Variants in NFU1 observed in about 807,000 individuals in gnomAD.
The protein encoded by NFU1 is NFU1 iron-sulfur cluster scaffold homolog, mitochondrial.
NFU1 carries 30 observed loss-of-function variants against 32.2 expected under a neutral mutation model. The observed-to-expected ratio is 0.93, with a 90% CI of 0.70 to 1.26. The LOEUF (loss-of-function observed/expected upper bound fraction) is 1.26, where lower values mean the gene tolerates loss of function less well. NFU1 is among the 50% of genes most tolerant of loss of function. The pLI is 0.00. For synonymous variants in NFU1, 112 were observed against 104.6 expected (o/e 1.07, Z -0.43); for missense variants, 306 against 306.6 (o/e 1.00, Z 0.02).
chr2:69,437,191 C>G, intron 1 of NFU1, 170 bp downstream of exon 1: 6 of 1,406,436 alleles, frequency 4.3e-6, no homozygotes, highest in Non-Finnish European at 5.6e-6. Context: ...GCGCCGAGCT[C>G]CCGCACAGAC....
chr2:69,400,222 A>G, intron 7 of NFU1, 142 bp downstream of exon 7: 1 of 769,992 alleles, frequency 1.3e-6, no homozygotes, highest in Non-Finnish European at 2.2e-6. Flanking sequence ...AAATTGCAAC[A>G]CAAAAATCCA....
chr2:69,409,903 C>G (rs867172298), intron 5 of NFU1, among the ~76,000 whole-genome samples: 24 of 152,126 alleles, frequency 1.6e-4, no homozygotes, highest in Middle Eastern at 3.2e-3. Flanking sequence ...TTGGAGGGGA[C>G]AAGTGTCCAA....
chr2:69,429,575 A>G (rs1156349988), intron 2 of NFU1, among the ~76,000 whole-genome samples: 1 of 152,234 alleles, frequency 6.6e-6, no homozygotes, highest in Non-Finnish European at 1.5e-5. Flanking sequence ...CACCTGCAGA[A>G]AGCAAAATTT....
intron 6 of NFU1, among the ~76,000 whole-genome samples, chr2:69,402,569 C>A (rs185311970): frequency 6.6e-6 from 1 of 152,098 alleles, no homozygotes; most frequent in Non-Finnish European, 1.5e-5. Flanking sequence ...TGATTTTTAT[C>A]TGATATATAT....
In NFU1 at chr2:69,437,352, G is replaced by A. The variant is rs114846829; in HGVS notation, c.62+9C>T. 3.2e-3 allele frequency: 5,163 copies of A among 1,605,588 alleles called. 164 individuals are homozygous for A. In the African/African-American group the frequency reaches 0.06, roughly 19 times the overall value. Reference sequence around the variant, plus strand: ...CACACCTATTCGGAGCTCCAGGCTCGTCACCTACCGCCTGCGCAGCCCGGC... The same window carrying A: ...CACACCTATTCGGAGCTCCAGGCTCATCACCTACCGCCTGCGCAGCCCGGC... On this transcript the variant is annotated intron_variant, in intron 1 of 7. Transcript: ENST00000410022.
At chr2:69,437,528 G>GCCC, upstream of NFU1, 1 of 1,396,922 alleles carries the variant, frequency 7.2e-7, no homozygotes, top group Non-Finnish European at 9.8e-7. Context: ...CCACCCTACC[G>GCCC]GCTGCGGGCG....
At chr2:69,435,271 G>T (rs1248633409) in intron 1 of NFU1, among the ~76,000 whole-genome samples, 2 of 152,200 alleles carry the variant, frequency 1.3e-5, no homozygotes, top group Non-Finnish European at 2.9e-5. Flanking sequence ...AGAGGTTAAA[G>T]GCAAAATGAT....
chr2:69,406,494 G>A (rs928111095), intron 5 of NFU1, among the ~76,000 whole-genome samples: 1 of 152,182 alleles, frequency 6.6e-6, no homozygotes, highest in African/African-American at 2.4e-5. Context: ...TACATCTTCA[G>A]TTTCTCAATT....
At chr2:69,396,961 AC>A (rs1160277416) in intron 7 of NFU1, among the ~76,000 whole-genome samples, 2 of 151,242 alleles carry the variant, frequency 1.3e-5, no homozygotes, top group Non-Finnish European at 2.9e-5. Context: ...AGTCCCAGGT[AC>A]CCGGGAGACT....
At chr2:69,408,861 CTTTTTTTTTTTT>C (rs1173785443) in intron 5 of NFU1, among the ~76,000 whole-genome samples, 1 of 67,760 alleles carries the variant, frequency 1.5e-5, no homozygotes, top group African/African-American at 5.9e-5. Flanking sequence ...CAGGCTTGTG[CTTTTTTTTTTTT>C]TTTTTTTTTT....
intron 7 of NFU1, among the ~76,000 whole-genome samples, chr2:69,396,754 C>A (rs1235340052): frequency 6.6e-6 from 1 of 152,110 alleles, no homozygotes; most frequent in African/African-American, 2.4e-5. Flanking sequence ...ATAGCAGAGT[C>A]TCAGCTGGGC....
chr2:69,439,348 CAG>C (rs546866700), upstream of NFU1, among the ~76,000 whole-genome samples: 890 of 152,226 alleles, frequency 5.8e-3, 10 homozygotes, highest in African/African-American at 0.02. Context: ...ATGGTGTGTC[CAG>C]AGTCTGTTCC....
intron 7 of NFU1, among the ~76,000 whole-genome samples, chr2:69,396,816 TAA>T (rs1191668830): frequency 1.3e-5 from 2 of 152,118 alleles, no homozygotes; most frequent in Admixed American, 1.3e-4. Flanking sequence ...CTCACGCCTG[TAA>T]TCCCAGCACT....
At chr2:69,419,223 G>T (rs1485772995) in intron 4 of NFU1, among the ~76,000 whole-genome samples, 1 of 138,500 alleles carries the variant, frequency 7.2e-6, no homozygotes, top group Non-Finnish European at 1.6e-5. Context: ...GCGGGGGGGG[G>T]CGCCGAGGCA....
At chr2:69,399,791 T>C (rs550730708) in intron 7 of NFU1, among the ~76,000 whole-genome samples, 2 of 152,234 alleles carry the variant, frequency 1.3e-5, no homozygotes, top group South Asian at 4.1e-4. Context: ...AAAATGGGAA[T>C]GACTTAATGC....
chr2:69,435,590 TAG>T (rs754630716), intron 1 of NFU1, among the ~76,000 whole-genome samples: 5 of 152,230 alleles, frequency 3.3e-5, no homozygotes, highest in South Asian at 4.1e-4. Flanking sequence ...CTGTAACCCA[TAG>T]AGTTTCTTAG....
chr2:69,432,574 CA>C (rs879489415), intron 1 of NFU1, among the ~76,000 whole-genome samples: 52 of 140,234 alleles, frequency 3.7e-4, no homozygotes, highest in Middle Eastern at 3.6e-3. Context: ...AACTCTACCT[CA>C]AAAAAAAAAA....
chr2:69,433,512 G>C (rs1673720473), intron 1 of NFU1, among the ~76,000 whole-genome samples: 1 of 149,964 alleles, frequency 6.7e-6, no homozygotes, highest in Non-Finnish European at 1.5e-5. Context: ...GTCTCACTTT[G>C]TCGCCCACGC....
At chr2:69,425,917 CA>C (rs567553931) in intron 2 of NFU1, among the ~76,000 whole-genome samples, 383 of 152,294 alleles carry the variant, frequency 2.5e-3, no homozygotes, top group African/African-American at 9.0e-3. Flanking sequence ...AATAACATAA[CA>C]AAATACAACA....
Sources: allele counts gnomAD v4.1 joint callset (sites outside exome capture counted in the v4.1 genomes callset), GRCh38; gene constraint gnomAD v4.1.1; transcripts MANE v1.5; gene names NCBI Gene and HGNC (gene_info 2026-07-23, HGNC 2026-07-21).